Variants in CPS1 observed in about 807,000 individuals in gnomAD.
CPS1 encodes the protein carbamoyl-phosphate synthase 1.
CPS1 carries 109 observed loss-of-function variants against 174.6 expected under a neutral mutation model. The ratio of observed to expected loss-of-function variants is 0.62; its 90% CI spans 0.53 to 0.73. CPS1 has a LOEUF of 0.73. CPS1 is among the 30% of genes least tolerant of loss of function. CPS1 has a pLI of 0.00. For synonymous variants in CPS1, 637 were observed against 632.0 expected, an observed-to-expected ratio of 1.01 and a Z score of -0.12; for missense variants, 1,689 against 1,821.9, an observed-to-expected ratio of 0.93 and a Z score of 1.33.
chr2:210,518,067 C>A (rs1397357589), intron 1 of CPS1, among the ~76,000 whole-genome samples: 2 of 151,944 alleles, frequency 1.3e-5, no homozygotes, highest in Non-Finnish European at 2.9e-5. Context: ...AGTTTAAGAA[C>A]CATATATGGT....
intron 26 of CPS1, among the ~76,000 whole-genome samples, 178 bp from the exon 27 acceptor site, chr2:210,648,295 A>T (rs2105908543): frequency 6.6e-6 from 1 of 152,334 alleles, no homozygotes; most frequent in East Asian, 1.9e-4. Context: ...TTTGAACAAG[A>T]TTTGATATTT....
intron 20 of CPS1, among the ~76,000 whole-genome samples, chr2:210,615,884 G>A (rs1393075722): frequency 6.6e-6 from 1 of 151,998 alleles, no homozygotes; most frequent in Non-Finnish European, 1.5e-5. Context: ...GAAGTCCTCT[G>A]TGAGGAAATA....
chr2:210,597,345 A>C (rs1484988142), intron 13 of CPS1, among the ~76,000 whole-genome samples: 1 of 151,854 alleles, frequency 6.6e-6, no homozygotes, highest in Non-Finnish European at 1.5e-5. Flanking sequence ...GAATCATAAC[A>C]TTTGAATTAG....
intron 34 of CPS1, among the ~76,000 whole-genome samples, chr2:210,669,826 G>A (rs1701236319): frequency 6.6e-6 from 1 of 152,108 alleles, no homozygotes; most frequent in Non-Finnish European, 1.5e-5. Context: ...GAGACTTGGG[G>A]GCATTCAGAG....
intron 13 of CPS1, among the ~76,000 whole-genome samples, chr2:210,595,944 T>A (rs1181203502): frequency 6.6e-6 from 1 of 151,968 alleles, no homozygotes; most frequent in Non-Finnish European, 1.5e-5. Context: ...TCTTTGGTGC[T>A]TTAAAGTATT....
At chr2:210,579,568 AC>A (rs1697840248) in intron 4 of CPS1, 145 bp from the exon 5 acceptor site, 1 of 700,874 alleles carries the variant, frequency 1.4e-6, no homozygotes, top group African/African-American at 1.7e-5. Flanking sequence ...TTCTGACAAT[AC>A]AGTCACCCTG....
chr2:210,510,245 T>G (rs867441956), intron 1 of CPS1, among the ~76,000 whole-genome samples: 2 of 152,184 alleles, frequency 1.3e-5, no homozygotes, highest in Admixed American at 6.5e-5. Context: ...CTATCTGATC[T>G]TTGACAAACC....
chr2:210,675,170 T>A (rs1048631948), intron 35 of CPS1, among the ~76,000 whole-genome samples: 2 of 152,252 alleles, frequency 1.3e-5, no homozygotes, highest in African/African-American at 4.8e-5. Flanking sequence ...CAATAGAAGT[T>A]GCCAGCTAAA....
rs11696008 is a variant in CPS1 at position 210,505,420 on chromosome 2, G to A, written c.3+27654G>A. On this transcript the variant is annotated intron_variant, in intron 1 of 38. Transcript: ENST00000430249. Reference sequence around the variant, plus strand: ...AGACTCAGTTGGAAACAGCAGAATCGGGCCAAATAGGAACAGCTCCAGTCT... The same window carrying A: ...AGACTCAGTTGGAAACAGCAGAATCAGGCCAAATAGGAACAGCTCCAGTCT... 5.3e-5 allele frequency among the ~76,000 whole-genome samples: 8 copies of A among 151,756 alleles called. No individual in the cohort carries two copies. In the South Asian group the frequency reaches 8.3e-4, roughly 16 times the overall value.
At chr2:210,596,170 C>T (rs1261594994) in intron 13 of CPS1, among the ~76,000 whole-genome samples, 2 of 151,920 alleles carry the variant, frequency 1.3e-5, no homozygotes, top group South Asian at 2.1e-4. Flanking sequence ...GAAGGACATC[C>T]TTCCTGTTTC....
intron 1 of CPS1, among the ~76,000 whole-genome samples, chr2:210,486,926 C>G (rs1479048264): frequency 6.6e-6 from 1 of 152,150 alleles, no homozygotes; most frequent in Non-Finnish European, 1.5e-5. Flanking sequence ...TCTTACATGC[C>G]AATTTCTACC....
rs754706559 is a variant in CPS1, at chr2:210,637,752, C to T, written c.2738C>T (p.Ser913Leu). ...AAAAGGGCAAAGGAGATTGGGTTCTCAGATAAGCAGATTTCAAAATGCCTT... is the reference window on the plus strand; with the variant it reads ...AAAAGGGCAAAGGAGATTGGGTTCTTAGATAAGCAGATTTCAAAATGCCTT... The part of the protein sequence containing the change: ...TLKRAKEIGF[S>L]DKQISKCLGL... The change falls in exon 22 of 38, where the codon TCA (serine) becomes TTA (leucine). Residue 913 changes from serine to leucine, a missense_variant. Physicochemically the swap from Ser to Leu is moderately radical, Grantham distance 145 (BLOSUM62 -2). Coordinates refer to ENST00000233072, the MANE Select transcript of CPS1 (RefSeq NM_001875.5). 7 of 1,613,966 alleles carry T rather than the reference C, an allele frequency of 4.3e-6. No individual in the cohort carries two copies. In the South Asian group the frequency reaches 6.6e-5, roughly 15 times the overall value.
At chr2:210,610,171 T>C (rs1699062512) in intron 19 of CPS1, among the ~76,000 whole-genome samples, 1 of 151,980 alleles carries the variant, frequency 6.6e-6, no homozygotes, top group Non-Finnish European at 1.5e-5. Flanking sequence ...ACAACTGTTA[T>C]TTAGTTTACA....
chr2:210,580,387 C>A (rs1249099609), intron 5 of CPS1, among the ~76,000 whole-genome samples: 1 of 152,008 alleles, frequency 6.6e-6, no homozygotes, highest in Non-Finnish European at 1.5e-5. Context: ...GACCCCTCCT[C>A]TGAGAATATC....
chr2:210,636,404 T>G (rs1415550285), intron 21 of CPS1, among the ~76,000 whole-genome samples: 1 of 151,300 alleles, frequency 6.6e-6, no homozygotes, highest in Non-Finnish European at 1.5e-5. Flanking sequence ...TACATTTAAT[T>G]TATAAAATAT....
chr2:210,585,329 T>C (rs1347209935), intron 6 of CPS1, among the ~76,000 whole-genome samples: 1 of 152,022 alleles, frequency 6.6e-6, no homozygotes, highest in African/African-American at 2.4e-5. Flanking sequence ...GTGTTTCTTA[T>C]GGTTCTATGA....
intron 35 of CPS1, 130 bp from the exon 36 acceptor site, chr2:210,675,598 G>A: frequency 1.4e-6 from 1 of 709,876 alleles, no homozygotes; most frequent in Non-Finnish European, 2.6e-6. Context: ...GTGAGTCCAA[G>A]TCTCTATCCA....
intron 1 of CPS1, among the ~76,000 whole-genome samples, chr2:210,563,550 C>T (rs778714748): frequency 6.6e-6 from 1 of 152,094 alleles, no homozygotes; most frequent in Non-Finnish European, 1.5e-5. Context: ...CAAGAAAAGT[C>T]TCATTTTGAC....
chr2:210,513,503 G>A (rs914312329), intron 1 of CPS1, among the ~76,000 whole-genome samples: 1 of 151,790 alleles, frequency 6.6e-6, no homozygotes, highest in East Asian at 1.9e-4. Flanking sequence ...AGAAATGTCT[G>A]TCCATGTCTG....
Sources: gnomAD v4.1 joint callset for allele counts (sites outside exome capture counted in the v4.1 genomes callset) on GRCh38, gnomAD v4.1.1 for gene constraint, MANE v1.5 for transcripts, NCBI Gene and HGNC (gene_info 2026-07-23, HGNC 2026-07-21) for gene names.